The following PHKB variants were observed in gnomAD, a reference collection of about 807,000 sequenced individuals.
The protein encoded by PHKB is phosphorylase b kinase regulatory subunit beta.
Under a neutral mutation model 152.1 loss-of-function variants are expected in PHKB, and 122 were observed. The ratio of observed to expected loss-of-function variants is 0.80; its 90% confidence interval spans 0.69 to 0.93. The LOEUF is 0.93. Among genes scored for constraint, PHKB ranks in the 40% least tolerant of loss-of-function variants. The pLI, the probability that PHKB is intolerant of heterozygous loss-of-function variation, is 0.00. For synonymous variants in PHKB, 436 were observed against 464.9 expected, an observed-to-expected ratio of 0.94 and a Z score of 0.80; for missense variants, 1,304 against 1,328.4, an observed-to-expected ratio of 0.98 and a Z score of 0.29.
At chr16:47,637,681 G>A (rs2151724584) in intron 14 of PHKB, among the ~76,000 whole-genome samples, 1 of 152,282 alleles carries the variant, frequency 6.6e-6, no homozygotes, top group East Asian at 1.9e-4. Context: ...GTAGAGGGCA[G>A]AAGTACAGAG....
chr16:47,669,320 A>C lies in PHKB; in HGVS notation c.2533A>C (p.Arg845=). 6.2e-7 allele frequency: 1 copy of C among 1,614,068 alleles called. No individual in the cohort carries two copies. Among genetic ancestry groups the C allele is most frequent in the Non-Finnish European group, 8.5e-7 (1 of 1,179,906 alleles). ...TTATAAGTGTAACACCCATGATGAG[A>C]GGGAAGCGGTCATTCAGCAAGAACT... ...IYYKCNTHDE[R]EAVIQQELVI... The change falls in exon 26 of 31, where the codon AGG becomes CGG. Residue 845 remains arginine (R), a synonymous_variant. Transcript: ENST00000323584.
chr16:47,625,170 T>C (rs1972687229), intron 14 of PHKB, among the ~76,000 whole-genome samples: 1 of 152,160 alleles, frequency 6.6e-6, no homozygotes, highest in African/African-American at 2.4e-5. Flanking sequence ...CTCCAACTAA[T>C]CTCCATATGT....
At position 47,699,328 on chromosome 16, in the gene PHKB, G is replaced by A; in HGVS notation, c.3244G>A (p.Val1082Ile). Reference sequence around the variant, plus strand: ...GATGAATCTGCTGCTGGAAGGAGAAGTCAAGCCAAACAATGATGACCCGTG... The same window carrying A: ...GATGAATCTGCTGCTGGAAGGAGAAATCAAGCCAAACAATGATGACCCGTG... ...AVMNLLLEGE[V>I]KPNNDDPCLI... The change falls in exon 31 of 31, where the codon GTC becomes ATC. Residue 1082 changes from valine to isoleucine, a missense_variant. Coordinates refer to ENST00000323584, the MANE Select transcript of PHKB (RefSeq NM_000293.3). 2 of 1,614,188 alleles carry A rather than the reference G, an allele frequency of 1.2e-6. No homozygotes were observed. The highest frequency in any genetic ancestry group is 2.2e-5 in the South Asian group (2 of 91,084).
intron 26 of PHKB, among the ~76,000 whole-genome samples, chr16:47,670,604 C>T (rs780651567): frequency 2.6e-5 from 4 of 152,144 alleles, no homozygotes; most frequent in Non-Finnish European, 4.4e-5. Context: ...ATCTTTCCAC[C>T]TCAGACTCCC....
At chr16:47,491,770 T>G (rs1270802145) in intron 1 of PHKB, among the ~76,000 whole-genome samples, 1 of 152,190 alleles carries the variant, frequency 6.6e-6, no homozygotes, top group African/African-American at 2.4e-5. Context: ...CCCTAAATTC[T>G]GAGAGGGATT....
Position 47,699,253 on chromosome 16 carries a change from A to G in PHKB, c.3169A>G (p.Thr1057Ala). The G allele has an allele frequency of 6.2e-7, 1 of 1,613,604 alleles. No homozygotes were observed. Residue 1057 changes from threonine to alanine, a missense_variant, in exon 31 of 31, where the codon ACT becomes GCT. Physicochemically the swap from Thr to Ala is moderately conservative, Grantham distance 58. Coordinates refer to ENST00000323584, the MANE Select transcript of PHKB (RefSeq NM_000293.3). ...GGATGACATGACTTCCTTTTACAAC[A>G]CTCCTCCCCTGGGAAAAAGAGGAAC... ...KQDDMTSFYNTPPLGKRGTCS... is the reference protein window; with the variant it reads ...KQDDMTSFYNAPPLGKRGTCS...
At position 47,650,629 on chromosome 16, in the gene PHKB, A is replaced by C. The variant is rs1973220218; in HGVS notation, c.1880+3A>C. The C allele has an allele frequency of 6.3e-7, 1 of 1,590,126 alleles. No homozygotes were observed. The highest frequency in any genetic ancestry group is 1.3e-5 in the African/African-American group (1 of 74,454). Reference sequence around the variant, plus strand: ...CTCATCCGGGAAGACAATATAAGGTAGGTTGATAAAAGAAGTAAGGTACGT... The same window carrying C: ...CTCATCCGGGAAGACAATATAAGGTCGGTTGATAAAAGAAGTAAGGTACGT... On this transcript the variant is annotated splice_donor_region_variant and intron_variant, in intron 19 of 30. Coordinates refer to ENST00000323584, the MANE Select transcript of PHKB (RefSeq NM_000293.3).
chr16:47,500,808 T>C (rs1970312781), intron 3 of PHKB, among the ~76,000 whole-genome samples: 1 of 152,224 alleles, frequency 6.6e-6, no homozygotes, highest in East Asian at 1.9e-4. Flanking sequence ...TAATACATTT[T>C]AACCATAATT....
At chr16:47,491,103 A>C (rs1183287763) in intron 1 of PHKB, among the ~76,000 whole-genome samples, 2 of 152,146 alleles carry the variant, frequency 1.3e-5, no homozygotes, top group South Asian at 2.1e-4. Context: ...CCTCCTAGCA[A>C]TTTGAACTTT....
intron 26 of PHKB, among the ~76,000 whole-genome samples, chr16:47,687,988 AAAG>A (rs1239177349): frequency 6.6e-6 from 1 of 152,218 alleles, no homozygotes; most frequent in Non-Finnish European, 1.5e-5. Flanking sequence ...GCATTGGCAG[AAAG>A]AAGGACTTCA....
intron 1 of PHKB, among the ~76,000 whole-genome samples, chr16:47,474,764 G>A (rs891317094): frequency 3.4e-5 from 5 of 146,932 alleles, no homozygotes; most frequent in African/African-American, 1.3e-4. Context: ...TGCTCTTGTT[G>A]CTCAGGCTAG....
chr16:47,476,883 T>A (rs1222923708), intron 1 of PHKB, among the ~76,000 whole-genome samples: 1 of 152,186 alleles, frequency 6.6e-6, no homozygotes, highest in Non-Finnish European at 1.5e-5. Flanking sequence ...AAGAATAAAA[T>A]GCAAACCTGG....
intron 1 of PHKB, among the ~76,000 whole-genome samples, chr16:47,475,877 T>C (rs1176462606): frequency 6.6e-6 from 1 of 152,194 alleles, no homozygotes; most frequent in Non-Finnish European, 1.5e-5. Flanking sequence ...CATGTTTATT[T>C]TATTTTTAGA....
intron 6 of PHKB, among the ~76,000 whole-genome samples, chr16:47,531,722 C>T (rs1019296948): frequency 6.6e-6 from 1 of 152,112 alleles, no homozygotes; most frequent in Non-Finnish European, 1.5e-5. Context: ...CACTAGAAAA[C>T]TCATGTTACG....
intron 6 of PHKB, among the ~76,000 whole-genome samples, chr16:47,526,563 G>A (rs1970772038): frequency 6.6e-6 from 1 of 152,016 alleles, no homozygotes; most frequent in South Asian, 2.1e-4. Context: ...GTAGTGAACG[G>A]TCAGGGCACC....
chr16:47,590,449 G>A (rs1310774726), intron 10 of PHKB: 1 of 151,900 alleles, frequency 6.6e-6, no homozygotes, highest in Non-Finnish European at 1.5e-5. Flanking sequence ...ACTATCACTT[G>A]GAAACCATTT....
At position 47,673,829 on chromosome 16, in the gene PHKB, C is replaced by A. The variant is rs1973678750; in HGVS notation, c.2630+4412C>A. ...CATATATTATCTGTTTTAATCCCTA[C>A]AACAACTTTGAAGTAGGCACTAGAA... On this transcript the variant is annotated intron_variant, in intron 26 of 30. Coordinates refer to ENST00000323584, the MANE Select transcript of PHKB (RefSeq NM_000293.3). Among the ~76,000 whole-genome samples the A allele has an allele frequency of 2.0e-5, 3 of 152,302 alleles. No homozygotes were observed. The South Asian group carries it at 6.2e-4, about 32-fold the overall frequency.
At chr16:47,683,671 C>G (rs1265686205) in intron 26 of PHKB, among the ~76,000 whole-genome samples, 1 of 152,190 alleles carries the variant, frequency 6.6e-6, no homozygotes, top group Non-Finnish European at 1.5e-5. Flanking sequence ...TCACCCCTTT[C>G]TTTGACTAGG....
At chr16:47,697,648 C>T (rs1303618039) in intron 29 of PHKB, among the ~76,000 whole-genome samples, 1 of 152,152 alleles carries the variant, frequency 6.6e-6, no homozygotes, top group Non-Finnish European at 1.5e-5. Context: ...AGATAAAATA[C>T]AGTCAATAAG....
Sources: allele counts gnomAD v4.1 joint callset (sites outside exome capture counted in the v4.1 genomes callset), GRCh38; gene constraint gnomAD v4.1.1; transcripts MANE v1.5; gene names NCBI Gene and HGNC (gene_info 2026-07-23, HGNC 2026-07-21).